Variants in ARID4B observed in about 807,000 individuals in gnomAD.
ARID4B encodes the protein AT-rich interaction domain 4B, also known as AT-rich interactive domain-containing protein 4B.
ARID4B carries 26 observed loss-of-function variants against 147.5 expected under a neutral mutation model. The ratio of observed to expected loss-of-function variants is 0.18; its 90% CI spans 0.13 to 0.24. The LOEUF is 0.24. Among genes scored for constraint, ARID4B ranks in the 10% least tolerant of loss-of-function variants. The probability of loss-of-function intolerance (pLI) is 1.00; values close to 1 mark genes in which losing one functional copy is unlikely to be tolerated. For missense variants in ARID4B, 1,179 were observed against 1,511.5 expected (o/e 0.78, Z 3.65); for synonymous variants, 512 against 507.9 (o/e 1.01, Z -0.11).
At position 235,246,518 on chromosome 1, in the gene ARID4B, G is replaced by A. The variant is rs767018685; in HGVS notation, c.355-7C>T. ...GTGGGAGCTGGTCTAATGTCTGTGG[G>A]TAAGAACATAAACCCATCAAAAAAT... On this transcript the variant is annotated splice_polypyrimidine_tract_variant and splice_region_variant and intron_variant, in intron 6 of 23. Transcript: ENST00000264183. 1.2e-6 allele frequency: 2 copies of A among 1,606,986 alleles called. No homozygotes were observed. The highest frequency in any genetic ancestry group is 1.3e-5 in the African/African-American group (1 of 74,806).
chr1:235,207,613 A>T (rs1246616318), intron 17 of ARID4B, among the ~76,000 whole-genome samples: 2 of 152,186 alleles, frequency 1.3e-5, no homozygotes. Context: ...TAAAGAATTT[A>T]TTATTATTAT....
intron 19 of ARID4B, among the ~76,000 whole-genome samples, chr1:235,185,705 GT>G (rs1664626408): frequency 6.6e-6 from 1 of 152,192 alleles, no homozygotes; most frequent in South Asian, 2.1e-4. Context: ...TTGATTGAGA[GT>G]TTCACGAGGT....
intron 2 of ARID4B, among the ~76,000 whole-genome samples, chr1:235,301,202 C>G (rs1334655071): frequency 6.6e-6 from 1 of 151,494 alleles, no homozygotes; most frequent in African/African-American, 2.4e-5. Flanking sequence ...ACTTTTTCTA[C>G]TGTAAATTTT....
chr1:235,172,791 G>C, intron 22 of ARID4B, 27 bp from the exon 23 acceptor site: 2 of 1,496,426 alleles, frequency 1.3e-6, no homozygotes, highest in Non-Finnish European at 1.8e-6. Context: ...TTCATTAACA[G>C]ACATTTTTAA....
chr1:235,191,893 C>T (rs1345920777), intron 19 of ARID4B, among the ~76,000 whole-genome samples: 1 of 152,050 alleles, frequency 6.6e-6, no homozygotes, highest in African/African-American at 2.4e-5. Context: ...GCCTGGGCAA[C>T]AGGGTGAAAC....
intron 16 of ARID4B, among the ~76,000 whole-genome samples, chr1:235,215,575 G>C (rs1004779498): frequency 6.9e-6 from 1 of 145,568 alleles, no homozygotes; most frequent in African/African-American, 2.6e-5. Flanking sequence ...GTGTGTGTGT[G>C]TGTGTATATA....
intron 2 of ARID4B, among the ~76,000 whole-genome samples, chr1:235,311,326 T>C (rs1432285888): frequency 6.7e-6 from 1 of 150,276 alleles, no homozygotes; most frequent in Non-Finnish European, 1.5e-5. Context: ...CACTCCAGCC[T>C]GGGTGACAGA....
intron 2 of ARID4B, among the ~76,000 whole-genome samples, chr1:235,318,990 T>TA (rs1674633282): frequency 6.6e-6 from 1 of 152,194 alleles, no homozygotes; most frequent in African/African-American, 2.4e-5. Flanking sequence ...GTTCTGGAGT[T>TA]AAATAGCAGT....
chr1:235,282,066 AATACTAGAAT>A (rs1671702084), intron 2 of ARID4B, among the ~76,000 whole-genome samples: 1 of 152,198 alleles, frequency 6.6e-6, no homozygotes. Flanking sequence ...AAAACAGTGA[AATACTAGAAT>A]ATAGTGGCAT....
chr1:235,305,979 C>T (rs760229582), intron 2 of ARID4B, among the ~76,000 whole-genome samples: 8 of 152,114 alleles, frequency 5.3e-5, no homozygotes, highest in Non-Finnish European at 8.8e-5. Context: ...GAAAAAACTA[C>T]ATATAATGTA....
intron 3 of ARID4B, among the ~76,000 whole-genome samples, chr1:235,258,642 G>A (rs974026190): frequency 1.3e-5 from 2 of 152,284 alleles, no homozygotes; most frequent in African/African-American, 4.8e-5. Context: ...CATTAACATG[G>A]TCTTTATCAG....
intron 22 of ARID4B, 27 bp from the exon 23 acceptor site, chr1:235,172,791 G>A (rs1663461581): frequency 2.0e-6 from 3 of 1,496,308 alleles, no homozygotes; most frequent in Non-Finnish European, 2.7e-6. Context: ...TTCATTAACA[G>A]ACATTTTTAA....
rs368364342 is a variant in ARID4B at position 235,177,822 on chromosome 1, G to C, written c.3426C>G (p.Asn1142Lys). ...TACTGCCTTTTCCCTTCTTTTTGTT[G>C]TTTACCACTGTTGCTTTATGGCTTC... ...QKRSHKATVV[N>K]NKKKGKGTNS... Residue 1142 changes from asparagine to lysine, a missense_variant, in exon 21 of 24, where the codon AAC (asparagine) becomes AAG (lysine). By Grantham distance (94) the Asn-to-Lys change is moderately conservative. Around this residue, in one of 10 missense-constraint regions of ARID4B, gnomAD observed 357 missense variants for 427.3 expected, o/e 0.84. Coordinates refer to ENST00000264183, the MANE Select transcript of ARID4B (RefSeq NM_016374.6). 4 of 1,609,976 alleles carry C rather than the reference G, an allele frequency of 2.5e-6. No homozygotes were observed. The highest frequency in any genetic ancestry group is 2.5e-6 in the Non-Finnish European group (3 of 1,178,012).
intron 20 of ARID4B, among the ~76,000 whole-genome samples, chr1:235,179,343 T>C (rs1664114129): frequency 6.6e-6 from 1 of 151,646 alleles, no homozygotes; most frequent in South Asian, 2.1e-4. Context: ...TAGACCAGCC[T>C]GGCCAACATG....
intron 10 of ARID4B, among the ~76,000 whole-genome samples, 197 bp downstream of exon 10, chr1:235,230,916 T>C (rs1429766298): frequency 5.8e-5 from 8 of 137,970 alleles, no homozygotes; most frequent in Non-Finnish European, 1.2e-4. Flanking sequence ...AGACTCTGTC[T>C]CCAAAAAAAA....
At chr1:235,278,486 A>T (rs1293574818) in intron 2 of ARID4B, among the ~76,000 whole-genome samples, 1 of 152,134 alleles carries the variant, frequency 6.6e-6, no homozygotes, top group Non-Finnish European at 1.5e-5. Context: ...TCCCTTGCCA[A>T]TCCATTTTCC....
chr1:235,190,769 G>T (rs1337218236), intron 19 of ARID4B, among the ~76,000 whole-genome samples: 1 of 152,186 alleles, frequency 6.6e-6, no homozygotes, highest in Non-Finnish European at 1.5e-5. Context: ...AAGTATGGGG[G>T]TGGGGAGGAA....
At chr1:235,249,714 GGC>G in intron 6 of ARID4B, among the ~76,000 whole-genome samples, 1 of 151,832 alleles carries the variant, frequency 6.6e-6, no homozygotes, top group African/African-American at 2.4e-5. Flanking sequence ...GGCTGAGGCG[GGC>G]GTATCACGAG....
At chr1:235,302,153 G>GAAAAAAAAAAAAGAAAAAA (rs1673197408) in intron 2 of ARID4B, among the ~76,000 whole-genome samples, 1 of 30,666 alleles carries the variant, frequency 3.3e-5, no homozygotes, top group Non-Finnish European at 5.5e-5. Context: ...TCAAAAAACG[G>GAAAAAAAAAAAAGAAAAAA]AAAAAAAAAA....
Sources: allele counts gnomAD v4.1 joint callset (sites outside exome capture counted in the v4.1 genomes callset), GRCh38; gene constraint gnomAD v4.1.1; regional missense constraint gnomAD v4.1.1; transcripts MANE v1.5; gene names NCBI Gene and HGNC (gene_info 2026-07-23, HGNC 2026-07-21).